The following PTPRN2 variants were observed in gnomAD, a reference collection of about 807,000 sequenced individuals.
PTPRN2 encodes the protein receptor-type tyrosine-protein phosphatase N2.
Under a neutral mutation model 118.8 loss-of-function variants are expected in PTPRN2, and 74 were observed. The ratio of observed to expected loss-of-function variants is 0.62; its 90% CI spans 0.52 to 0.76. The LOEUF is 0.76. Among genes scored for constraint, PTPRN2 ranks in the 30% least tolerant of loss-of-function variants. The pLI is 0.00. For missense variants in PTPRN2, 1,481 were observed against 1,394.4 expected (o/e 1.06, Z -0.99); for synonymous variants, 641 against 608.0 (o/e 1.05, Z -0.80).
rs191411092 is a variant in PTPRN2 at position 158,385,754 on chromosome 7, A to G, written c.164-68822T>C. ...GTTTCAAGTCCGTTTCTAAATTTCC[A>G]CAGTCTCCAGGAAGAAGATGGGTTG... On this transcript the variant is annotated intron_variant, in intron 2 of 22. Transcript: ENST00000389418. Among the ~76,000 whole-genome samples, 382 of 152,268 alleles carry G rather than the reference A, an allele frequency of 2.5e-3. 7 individuals carry two copies. Among genetic ancestry groups the G allele is most frequent in the Admixed American group, 0.017 (265 of 15,302 alleles).
chr7:158,167,336 C>T (rs375852002), intron 5 of PTPRN2, 45 bp from the exon 6 acceptor site: 23 of 1,532,040 alleles, frequency 1.5e-5, no homozygotes, highest in East Asian at 2.3e-5. Context: ...ACATTTCCAT[C>T]GTCAGCTGGG....
chr7:158,395,571 G>C (rs1586564778), intron 2 of PTPRN2, among the ~76,000 whole-genome samples: 2 of 93,668 alleles, frequency 2.1e-5, no homozygotes, highest in Admixed American at 1.1e-4. Context: ...GGCGAGGGGC[G>C]AGGCGCGAGG....
At chr7:158,138,628 C>T (rs1310751514) in intron 6 of PTPRN2, 113 bp from the exon 7 acceptor site, 6 of 934,798 alleles carry the variant, frequency 6.4e-6, no homozygotes, top group Middle Eastern at 2.4e-4. Flanking sequence ...GCAGTGGCCA[C>T]CTAGGGCCAG....
rs1178907488 is a variant in PTPRN2, at chr7:158,188,323, G to A, written c.549+4004C>T. ...CCCCCTGTATGGGGAAGGCCGCCAC[G>A]CTCGCCCCCTGATGGGGAAGGCCGC... On this transcript the variant is annotated intron_variant, in intron 5 of 22. Transcript: ENST00000389418. 4.1e-5 allele frequency among the ~76,000 whole-genome samples: 4 copies of A among 98,156 alleles called. No individual in the cohort carries two copies. In the Admixed American group the frequency reaches 4.5e-4, roughly 11 times the overall value. 64.4% of individuals were successfully genotyped at this position (98,156 alleles called of 152,430 possible). A position where few individuals can be genotyped will look rare whatever the true frequency, so the allele number is the denominator to read the frequency against.
At chr7:158,114,832 G>C (rs1816595492) in intron 9 of PTPRN2, among the ~76,000 whole-genome samples, 1 of 152,178 alleles carries the variant, frequency 6.6e-6, no homozygotes, top group Admixed American at 6.5e-5. Flanking sequence ...CAGAGCGCGA[G>C]AGGCAGACGC....
intron 11 of PTPRN2, among the ~76,000 whole-genome samples, chr7:158,068,491 C>T (rs1447143598): frequency 1.3e-5 from 2 of 152,232 alleles, no homozygotes; most frequent in South Asian, 2.1e-4. Flanking sequence ...AGAACGGAGG[C>T]CGCGTCCTCA....
chr7:157,970,830 C>T (rs1802281125), intron 11 of PTPRN2, among the ~76,000 whole-genome samples: 1 of 152,176 alleles, frequency 6.6e-6, no homozygotes, highest in African/African-American at 2.4e-5. Context: ...TAAGCTCATT[C>T]TTCAGAGCTC....
chr7:157,966,648 C>A (rs558030788), intron 11 of PTPRN2, among the ~76,000 whole-genome samples: 1 of 151,504 alleles, frequency 6.6e-6, no homozygotes, highest in Non-Finnish European at 1.5e-5. Context: ...TTCATTATCA[C>A]CATCAACATC....
chr7:158,095,834 C>A (rs1585420718), intron 10 of PTPRN2, among the ~76,000 whole-genome samples: 1 of 152,184 alleles, frequency 6.6e-6, no homozygotes, highest in Admixed American at 6.5e-5. Flanking sequence ...CCAGTTCAGC[C>A]CCCAAAGTAC....
chr7:157,772,413 A>T (rs1399499712), intron 12 of PTPRN2, among the ~76,000 whole-genome samples: 1 of 152,172 alleles, frequency 6.6e-6, no homozygotes, highest in Non-Finnish European at 1.5e-5. Context: ...ACACACATAG[A>T]CACAAACACA....
intron 11 of PTPRN2, among the ~76,000 whole-genome samples, chr7:157,967,774 T>C (rs902036747): frequency 1.3e-5 from 2 of 152,168 alleles, no homozygotes; most frequent in Non-Finnish European, 2.9e-5. Flanking sequence ...GCTGACCCTC[T>C]GTGAGTGAAG....
chr7:157,598,534 GGTGAGCTCA>G lies in PTPRN2; in HGVS notation c.2419-3228_2419-3220del, dbSNP rs201834527. Among the ~76,000 whole-genome samples, 1 of 147,888 alleles carries G rather than the reference GGTGAGCTCA, an allele frequency of 6.8e-6. No homozygotes were observed. Among genetic ancestry groups the G allele is most frequent in the African/African-American group, 2.7e-5 (1 of 37,422 alleles). On this transcript the variant is annotated intron_variant, in intron 16 of 22. Transcript: ENST00000389418. This position sits in a 1 kb window ranked among gnomAD's most constrained non-coding sequence, Gnocchi z 5.2. ...CCTCAGTCTCCATATCTGTATGGTG[GGTGAGCTCA>G]GGGAGTGAGGAGCTTGGATGATGCG...
At chr7:158,288,099 T>G (rs1415554620) in intron 3 of PTPRN2, among the ~76,000 whole-genome samples, 1 of 152,168 alleles carries the variant, frequency 6.6e-6, no homozygotes, top group Non-Finnish European at 1.5e-5. Flanking sequence ...GTCTATTTTA[T>G]TTAAGTATAG....
At chr7:158,040,736 C>CTTTTT (rs58192875) in intron 11 of PTPRN2, among the ~76,000 whole-genome samples, 60,227 of 141,394 alleles carry the variant, frequency 0.43, 13,543 homozygotes, top group Non-Finnish European at 0.5. Flanking sequence ...TTTTTTCTTT[C>CTTTTT]TTTTTTTTTT....
At chr7:158,021,094 A>G (rs1221584854) in intron 11 of PTPRN2, among the ~76,000 whole-genome samples, 1 of 152,230 alleles carries the variant, frequency 6.6e-6, no homozygotes, top group East Asian at 1.9e-4. Context: ...TTACCAAGAC[A>G]AACACACTTA....
rs2128837783 is a variant in PTPRN2, at chr7:157,986,079, A to G, written c.1724-87342T>C. Among the ~76,000 whole-genome samples the G allele has an allele frequency of 6.6e-6, 1 of 152,310 alleles. No homozygotes were observed. Among genetic ancestry groups the G allele is most frequent in the African/African-American group, 2.4e-5 (1 of 41,572 alleles). ...ACACTTCCTGCTTCCAGATGGATGG[A>G]GGTGGGAGGAGGGAGGGGTTCTGAC... On this transcript the variant is annotated intron_variant, in intron 11 of 22. Transcript: ENST00000389418. The surrounding 1 kb of genome is among the most constrained non-coding windows in gnomAD (Gnocchi z 4.5).
chr7:157,580,552 A>G (rs1165161578), intron 17 of PTPRN2, among the ~76,000 whole-genome samples: 1 of 122,362 alleles, frequency 8.2e-6, no homozygotes, highest in Non-Finnish European at 1.7e-5. Context: ...GAGCCCCTGC[A>G]CATCTGAGCA....
intron 12 of PTPRN2, among the ~76,000 whole-genome samples, chr7:157,741,672 G>T (rs1370427540): frequency 6.6e-6 from 1 of 152,120 alleles, no homozygotes; most frequent in Non-Finnish European, 1.5e-5. Flanking sequence ...CTGGTTGTAC[G>T]TGGAGTCCTC....
intron 12 of PTPRN2, among the ~76,000 whole-genome samples, chr7:157,844,743 G>C (rs1176754885): frequency 6.6e-6 from 1 of 152,166 alleles, no homozygotes; most frequent in Non-Finnish European, 1.5e-5. Context: ...ACCCGGCACT[G>C]AGTTCTCAGG....
Sources: gnomAD v4.1 joint callset for allele counts (sites outside exome capture counted in the v4.1 genomes callset) on GRCh38, gnomAD v4.1.1 for gene constraint, Gnocchi (gnomAD v3.1) non-coding constraint, MANE v1.5 for transcripts, NCBI Gene and HGNC (gene_info 2026-07-23, HGNC 2026-07-21) for gene names.